The following FHIT variants were observed in gnomAD, a reference collection of about 807,000 sequenced individuals.
FHIT encodes fragile histidine triad diadenosine triphosphatase.
Under a neutral mutation model 17.9 loss-of-function variants are expected in FHIT, and 19 were observed. The ratio of observed to expected loss-of-function variants is 1.06; its 90% CI spans 0.74 to 1.56. The LOEUF (loss-of-function observed/expected upper bound fraction) is 1.56. Ranked by LOEUF, FHIT falls within the 40% of genes most tolerant of loss-of-function variation. FHIT has a pLI of 0.00. For synonymous variants in FHIT, 81 were observed against 69.7 expected (o/e 1.16, Z -0.81); for missense variants, 248 against 189.2 (o/e 1.31, Z -1.82).
chr3:59,749,515 C>CT lies in FHIT; in HGVS notation c.*69_*70insA, dbSNP rs1553657965. 3.0e-5 allele frequency: 7 copies of CT among 229,586 alleles called. No individual in the cohort carries two copies. The highest frequency in any genetic ancestry group is 2.5e-4 in the East Asian group (4 of 16,208). 14.2% of individuals were successfully genotyped at this position (229,586 alleles called of 1,614,324 possible). A position where few individuals can be genotyped will look rare whatever the true frequency, so the allele number is the denominator to read the frequency against. ...TGATTCAGTTCCTCTTGGGGAGAGG[C>CT]GGGGGGCGGTCTTCAAACTGGTTGG... On this transcript the variant is annotated 3_prime_UTR_variant, in exon 10 of 10. Coordinates refer to ENST00000492590, the MANE Select transcript of FHIT (RefSeq NM_002012.4).
At chr3:59,955,804 T>C (rs568220263) in intron 7 of FHIT, among the ~76,000 whole-genome samples, 13 of 152,306 alleles carry the variant, frequency 8.5e-5, no homozygotes, top group African/African-American at 2.2e-4. Context: ...GTTAACCGTA[T>C]ACGTTTTTCT....
At chr3:60,162,571 G>A (rs978176997) in intron 5 of FHIT, among the ~76,000 whole-genome samples, 11 of 152,114 alleles carry the variant, frequency 7.2e-5, no homozygotes, top group African/African-American at 2.2e-4. Context: ...TAAATATTCT[G>A]TATTATCAGA....
intron 5 of FHIT, among the ~76,000 whole-genome samples, chr3:60,515,643 CACATT>C (rs539323982): frequency 6.6e-6 from 1 of 151,258 alleles, no homozygotes; most frequent in East Asian, 1.9e-4. Flanking sequence ...ACACAAAAAT[CACATT>C]AGACTCTTCT....
chr3:60,465,689 G>T (rs1323639260), intron 5 of FHIT, among the ~76,000 whole-genome samples: 1 of 152,010 alleles, frequency 6.6e-6, no homozygotes, highest in Non-Finnish European at 1.5e-5. Flanking sequence ...TGTTGAAAAT[G>T]AGTTTGCTGT....
chr3:61,187,980 A>C (rs1280376861), intron 2 of FHIT, among the ~76,000 whole-genome samples: 1 of 152,196 alleles, frequency 6.6e-6, no homozygotes, highest in Non-Finnish European at 1.5e-5. Context: ...GACAAAGCAG[A>C]AAAGATCTAA....
At position 60,154,194 on chromosome 3, in the gene FHIT, C is replaced by T. The variant is rs1037377917; in HGVS notation, c.104-140042G>A. Among the ~76,000 whole-genome samples the T allele has an allele frequency of 5.3e-5, 8 of 152,292 alleles. No individual in the cohort carries two copies. The South Asian group carries it at 6.2e-4, about 12-fold the overall frequency. ...TCCATATCCTACTGCTCAAAGTCATCGCCAAGGTCTGATTTTTCACTCATG... is the reference window on the plus strand; with the variant it reads ...TCCATATCCTACTGCTCAAAGTCATTGCCAAGGTCTGATTTTTCACTCATG... On this transcript the variant is annotated intron_variant, in intron 5 of 9. Coordinates refer to ENST00000492590, the MANE Select transcript of FHIT (RefSeq NM_002012.4).
intron 8 of FHIT, among the ~76,000 whole-genome samples, chr3:59,847,413 A>G (rs1269136580): frequency 6.6e-6 from 1 of 152,010 alleles, no homozygotes; most frequent in East Asian, 1.9e-4. Flanking sequence ...TTTCAGCTTT[A>G]CAATTTATTT....
intron 4 of FHIT, among the ~76,000 whole-genome samples, chr3:60,546,288 C>A (rs1191977293): frequency 6.6e-6 from 1 of 152,006 alleles, no homozygotes; most frequent in Non-Finnish European, 1.5e-5. Flanking sequence ...TTTTTCTCTC[C>A]CCATGAGTAT....
At chr3:60,666,570 T>G (rs556804304) in intron 4 of FHIT, among the ~76,000 whole-genome samples, 12 of 152,346 alleles carry the variant, frequency 7.9e-5, no homozygotes, top group African/African-American at 2.9e-4. Context: ...ACAGATTTCA[T>G]TGGGATTACG....
chr3:60,183,835 T>A (rs1165977905), intron 5 of FHIT, among the ~76,000 whole-genome samples: 1 of 152,142 alleles, frequency 6.6e-6, no homozygotes, highest in Non-Finnish European at 1.5e-5. Flanking sequence ...TACTTTTTAA[T>A]TTTAGACTAG....
intron 2 of FHIT, among the ~76,000 whole-genome samples, chr3:61,069,413 T>C (rs2034726296): frequency 6.6e-6 from 1 of 152,198 alleles, no homozygotes; most frequent in African/African-American, 2.4e-5. Context: ...GGGCATGTCT[T>C]GGGCATTGTG....
intron 5 of FHIT, among the ~76,000 whole-genome samples, chr3:60,034,421 A>G (rs1202288083): frequency 6.6e-6 from 1 of 152,232 alleles, no homozygotes; most frequent in African/African-American, 2.4e-5. Context: ...TCTGTAGGCA[A>G]GAAGATGATA....
At chr3:60,729,393 G>C (rs1285444148) in intron 4 of FHIT, among the ~76,000 whole-genome samples, 1 of 152,208 alleles carries the variant, frequency 6.6e-6, no homozygotes, top group Non-Finnish European at 1.5e-5. Context: ...TATGCGGCTT[G>C]TGTCATCAAT....
intron 4 of FHIT, among the ~76,000 whole-genome samples, chr3:60,538,735 C>T (rs1436712492): frequency 1.3e-5 from 2 of 152,094 alleles, no homozygotes; most frequent in Middle Eastern, 3.2e-3. Flanking sequence ...ACTGGCTAGC[C>T]CTATGTAGAA....
At chr3:60,612,539 A>G (rs1327409192) in intron 4 of FHIT, among the ~76,000 whole-genome samples, 12 of 152,192 alleles carry the variant, frequency 7.9e-5, no homozygotes, top group African/African-American at 2.4e-4. Context: ...ATACTTTTCA[A>G]TTTAGGGGAA....
At chr3:61,051,004 A>T (rs1205408994) in intron 2 of FHIT, among the ~76,000 whole-genome samples, 1 of 152,116 alleles carries the variant, frequency 6.6e-6, no homozygotes, top group East Asian at 1.9e-4. Context: ...CCCTTTCAAT[A>T]CTCATACACG....
At position 61,062,696 on chromosome 3, in the gene FHIT, T is replaced by C. The variant is rs184226657; in HGVS notation, c.-163-20597A>G. 6.6e-5 allele frequency among the ~76,000 whole-genome samples: 10 copies of C among 152,190 alleles called. No homozygotes were observed. The East Asian group carries it at 1.9e-3, about 29-fold the overall frequency. On this transcript the variant is annotated intron_variant, in intron 2 of 9. Coordinates refer to ENST00000492590, the MANE Select transcript of FHIT (RefSeq NM_002012.4). ...CCCCAGATGAATAGAAATGAGCAAA[T>C]CTTGAGTGCAGAACTGAATTTCTTG...
intron 8 of FHIT, among the ~76,000 whole-genome samples, chr3:59,888,205 C>T (rs2106994038): frequency 1.3e-5 from 2 of 152,292 alleles, no homozygotes; most frequent in East Asian, 3.9e-4. Flanking sequence ...CAGGCTTGGA[C>T]ATTCACTGTA....
intron 2 of FHIT, among the ~76,000 whole-genome samples, chr3:61,132,285 G>T (rs2036786619): frequency 6.6e-6 from 1 of 152,214 alleles, no homozygotes; most frequent in African/African-American, 2.4e-5. Context: ...CCAGTTCTCA[G>T]AAAAGGTCTG....
Sources: allele counts gnomAD v4.1 joint callset (sites outside exome capture counted in the v4.1 genomes callset), GRCh38; gene constraint gnomAD v4.1.1; transcripts MANE v1.5; gene names NCBI Gene and HGNC (gene_info 2026-07-23, HGNC 2026-07-21).